The following USP45 variants were observed in gnomAD, a reference collection of about 807,000 sequenced individuals.
USP45 encodes the protein ubiquitin carboxyl-terminal hydrolase 45.
In USP45, 89 loss-of-function variants were observed where a neutral mutation model predicts 95.8. The ratio of observed to expected loss-of-function variants is 0.93; its 90% CI spans 0.78 to 1.11. USP45 has a LOEUF of 1.11. Ranked by LOEUF, USP45 falls within the 50% of genes least tolerant of loss-of-function variation. The pLI, the probability that USP45 is intolerant of heterozygous loss-of-function variation, is 0.00. For missense variants in USP45, 898 were observed against 942.5 expected, an observed-to-expected ratio of 0.95 and a Z score of 0.62; for synonymous variants, 281 against 316.2, an observed-to-expected ratio of 0.89 and a Z score of 1.18.
chr6:99,494,915 T>C (rs1450858651), intron 5 of USP45, among the ~76,000 whole-genome samples: 1 of 151,698 alleles, frequency 6.6e-6, no homozygotes, highest in African/African-American at 2.4e-5. Flanking sequence ...AAAAACTGAG[T>C]TCAAGGATAT....
chr6:99,487,308 G>T (rs931514668), intron 7 of USP45, among the ~76,000 whole-genome samples: 6 of 152,186 alleles, frequency 3.9e-5, no homozygotes, highest in Non-Finnish European at 7.3e-5. Flanking sequence ...AAATCATGAA[G>T]TGGACTTGCT....
chr6:99,446,538 A>T (rs137988377), intron 13 of USP45, 75 bp from the exon 14 acceptor site: 2 of 1,305,478 alleles, frequency 1.5e-6, no homozygotes, highest in East Asian at 2.4e-5. Flanking sequence ...ATTCTTAAAC[A>T]TATCATAGTT....
At position 99,477,385 on chromosome 6, in the gene USP45, C is replaced by T. The variant is rs150069442; in HGVS notation, c.846-1155G>A. On this transcript the variant is annotated intron_variant, in intron 8 of 17. Transcript: ENST00000500704. ...GTGGCACAATCTCAGCTCACTGCAA[C>T]CTCCGCCTCCTGGGTTCAAGCAATT... 5.0e-3 allele frequency among the ~76,000 whole-genome samples: 762 copies of T among 152,266 alleles called. 3 individuals carry two copies. The highest frequency in any genetic ancestry group is 0.024 in the Middle Eastern group (7 of 292).
intron 7 of USP45, 48 bp downstream of exon 7, chr6:99,488,152 T>C: frequency 1.6e-6 from 2 of 1,287,026 alleles, no homozygotes; most frequent in Admixed American, 1.7e-5. Flanking sequence ...TTTGGTAACA[T>C]CAGTGGCTCA....
At chr6:99,455,406 G>A (rs1784823063) in intron 13 of USP45, among the ~76,000 whole-genome samples, 1 of 152,118 alleles carries the variant, frequency 6.6e-6, no homozygotes. Flanking sequence ...AGCTGAGACT[G>A]TGCCACAGCA....
chr6:99,468,782 C>G (rs1356714032), intron 9 of USP45, among the ~76,000 whole-genome samples, 164 bp from the exon 10 acceptor site: 1 of 152,132 alleles, frequency 6.6e-6, no homozygotes, highest in Non-Finnish European at 1.5e-5. Context: ...TTCCAGGTCT[C>G]AAATTCCATG....
intron 13 of USP45, among the ~76,000 whole-genome samples, 157 bp downstream of exon 13, chr6:99,464,447 T>C (rs1787378635): frequency 6.6e-6 from 1 of 152,156 alleles, no homozygotes. Flanking sequence ...GTGGGATATA[T>C]ATAGTTAGTA....
intron 5 of USP45, among the ~76,000 whole-genome samples, chr6:99,493,812 A>G (rs1795726943): frequency 6.6e-6 from 1 of 152,190 alleles, no homozygotes; most frequent in Admixed American, 6.6e-5. Context: ...ATGTTTTAAT[A>G]AAAAGCAGCT....
chr6:99,495,284 T>C (rs1425341991), intron 5 of USP45, among the ~76,000 whole-genome samples: 1 of 152,216 alleles, frequency 6.6e-6, no homozygotes, highest in Non-Finnish European at 1.5e-5. Flanking sequence ...AGGAGAAAAT[T>C]GAAAACAACC....
intron 17 of USP45, among the ~76,000 whole-genome samples, chr6:99,436,274 C>T (rs768007830): frequency 6.6e-6 from 1 of 152,074 alleles, no homozygotes; most frequent in Non-Finnish European, 1.5e-5. Context: ...CTGTCTGGCC[C>T]AGCGCAGTGG....
At chr6:99,514,719 GA>G (rs1800740385) in intron 1 of USP45, 2 of 152,086 alleles carry the variant, frequency 1.3e-5, no homozygotes, top group Non-Finnish European at 2.9e-5. Context: ...ATGGGGGTTG[GA>G]AAGAGAAGAA....
chr6:99,468,951 C>G (rs1788631493), intron 9 of USP45, among the ~76,000 whole-genome samples: 1 of 152,016 alleles, frequency 6.6e-6, no homozygotes, highest in Non-Finnish European at 1.5e-5. Context: ...TTCCTTCTCC[C>G]TCTCTCTAAA....
intron 13 of USP45, among the ~76,000 whole-genome samples, chr6:99,452,522 A>G (rs1784116558): frequency 6.6e-6 from 1 of 152,180 alleles, no homozygotes; most frequent in South Asian, 2.1e-4. Context: ...AAAAGTCAGG[A>G]AACAACAGGT....
At chr6:99,457,548 T>C (rs1478507120) in intron 13 of USP45, among the ~76,000 whole-genome samples, 1 of 152,208 alleles carries the variant, frequency 6.6e-6, no homozygotes, top group African/African-American at 2.4e-5. Context: ...CACATATACC[T>C]CATAAATATG....
Position 99,466,688 on chromosome 6 carries a change from C to A in USP45, c.1091G>T (p.Cys364Phe), listed in dbSNP as rs1313149105. 1 of 1,613,280 alleles carries A rather than the reference C, an allele frequency of 6.2e-7. No individual in the cohort carries two copies. The highest frequency in any genetic ancestry group is 1.1e-5 in the South Asian group (1 of 91,048). ...AGTACCTACATTTGCACATTCTTCA[C>A]ACATGACCGTGCTAGTTAATTCACC... ...FIGELTSTVMCEECANISTVK... is the reference protein window; with the variant it reads ...FIGELTSTVMFEECANISTVK... The change falls in exon 11 of 18, where the codon TGT (cysteine) becomes TTT (phenylalanine). Residue 364 changes from cysteine (C) to phenylalanine (F), a missense_variant. Physicochemically the swap from Cys to Phe is radical, Grantham distance 205. Transcript: ENST00000500704.
intron 5 of USP45, among the ~76,000 whole-genome samples, chr6:99,495,471 T>TCTC (rs1491382041): frequency 6.6e-6 from 1 of 152,162 alleles, no homozygotes; most frequent in Non-Finnish European, 1.5e-5. Flanking sequence ...TGAGAGTGTA[T>TCTC]CTCCCTTAAA....
upstream of USP45, among the ~76,000 whole-genome samples, chr6:99,516,191 A>G (rs2128847431): frequency 6.6e-6 from 1 of 151,748 alleles, no homozygotes; most frequent in South Asian, 2.1e-4. Context: ...CTCTCTTCCT[A>G]GCTAGATAGT....
chr6:99,504,360 G>A (rs1013718425), intron 4 of USP45, among the ~76,000 whole-genome samples: 80 of 152,198 alleles, frequency 5.3e-4, no homozygotes, highest in Admixed American at 4.0e-3. Context: ...GACTGGTCTC[G>A]AATGCCTGAC....
chr6:99,506,245 C>CA (rs1765478051), intron 4 of USP45, among the ~76,000 whole-genome samples: 1 of 152,200 alleles, frequency 6.6e-6, no homozygotes, highest in South Asian at 2.1e-4. Flanking sequence ...TTGTAAAACA[C>CA]AGAGGAAGCA....
Sources: gnomAD v4.1 joint callset for allele counts (sites outside exome capture counted in the v4.1 genomes callset) on GRCh38, gnomAD v4.1.1 for gene constraint, MANE v1.5 for transcripts, NCBI Gene and HGNC (gene_info 2026-07-23, HGNC 2026-07-21) for gene names.